The following BCAT1 variants were observed in gnomAD, a reference collection of about 807,000 sequenced individuals.
BCAT1 encodes branched-chain-amino-acid aminotransferase, cytosolic.
Under a neutral mutation model 52.4 loss-of-function variants are expected in BCAT1, and 48 were observed. The ratio of observed to expected loss-of-function variants is 0.92; its 90% confidence interval spans 0.73 to 1.16. BCAT1 has a LOEUF of 1.16. Among genes scored for constraint, BCAT1 ranks in the 50% most tolerant of loss-of-function variants. The pLI is 0.00. For missense variants in BCAT1, 451 were observed against 457.1 expected (o/e 0.99, Z 0.12); for synonymous variants, 167 against 161.3 (o/e 1.04, Z -0.27).
intron 3 of BCAT1, among the ~76,000 whole-genome samples, chr12:24,890,557 A>C (rs931936882): frequency 1.3e-5 from 2 of 152,172 alleles, no homozygotes; most frequent in African/African-American, 4.8e-5. Context: ...TTATAAGCTA[A>C]TTATAATGCA....
rs11616041 is a variant in BCAT1 at position 24,837,142 on chromosome 12, A to G, written c.818-546T>C. 3.2e-4 allele frequency among the ~76,000 whole-genome samples: 20 copies of G among 62,672 alleles called. 2 individuals are homozygous for G. Among genetic ancestry groups the G allele is most frequent in the Non-Finnish European group, 4.4e-4 (10 of 22,624 alleles). 41.1% of individuals were successfully genotyped at this position (62,672 alleles called of 152,430 possible). On this transcript the variant is annotated intron_variant, in intron 7 of 10. Coordinates refer to ENST00000261192, the MANE Select transcript of BCAT1 (RefSeq NM_005504.7). ...GAAGGGAGGAAGGGGGGAGGGAAGG[A>G]AGGAAAGTTATCTAATCATCTTCAG...
At position 24,832,888 on chromosome 12, in the gene BCAT1, A is replaced by C. The variant is rs769789339; in HGVS notation, c.904-25T>G. ...CCTGCATGGAATATAAAAAATAACA[A>C]GTATATTTTAAAGGAAAAGGCATGC... is the stretch of plus-strand genomic sequence containing the variant. On this transcript the variant is annotated intron_variant, in intron 8 of 10. Coordinates refer to ENST00000261192, the MANE Select transcript of BCAT1 (RefSeq NM_005504.7). 6.3e-6 allele frequency: 10 copies of C among 1,583,538 alleles called. No homozygotes were observed. In the East Asian group the frequency reaches 2.0e-4, roughly 32 times the overall value.
rs940603478 is a variant in BCAT1 at position 24,818,106 on chromosome 12, C to T, written c.1120-57G>A. ...ACAGAAGCTAACAGGGCAGAAATAG[C>T]TTACAAACAAACTTAATACCGCCAA... On this transcript the variant is annotated intron_variant, in intron 10 of 10. Coordinates refer to ENST00000261192, the MANE Select transcript of BCAT1 (RefSeq NM_005504.7). The T allele has an allele frequency of 7.6e-6, 12 of 1,570,448 alleles. No individual in the cohort carries two copies. The East Asian group carries it at 2.5e-4, about 32-fold the overall frequency.
chr12:24,912,820 T>C (rs547002257), intron 1 of BCAT1, among the ~76,000 whole-genome samples: 2 of 152,334 alleles, frequency 1.3e-5, no homozygotes, highest in Admixed American at 1.3e-4. Flanking sequence ...ATCTGATATA[T>C]ACCTTGTGGC....
At chr12:24,841,751 A>C (rs76442767) in intron 7 of BCAT1, among the ~76,000 whole-genome samples, 1 of 151,998 alleles carries the variant, frequency 6.6e-6, no homozygotes, top group Non-Finnish European at 1.5e-5. Context: ...AAAAAAAAAA[A>C]TACAAAAATT....
At chr12:24,847,070 T>G (rs774202736) in intron 6 of BCAT1, among the ~76,000 whole-genome samples, 9 of 152,236 alleles carry the variant, frequency 5.9e-5, no homozygotes, top group Non-Finnish European at 1.0e-4. Context: ...CCAAGTACTA[T>G]CCTAGGCACT....
In BCAT1 at chr12:24,867,240, C is replaced by T. The variant is rs57953237; in HGVS notation, c.510+11290G>A. On this transcript the variant is annotated intron_variant, in intron 5 of 10. Transcript: ENST00000261192. The stretch of plus-strand genomic sequence containing the variant: ...CACGACACCTTTAAGAACTGTAACA[C>T]TTACCGCGAGGGTCCATGGCTTCAT... Among the ~76,000 whole-genome samples, 911 of 152,220 alleles carry T rather than the reference C, an allele frequency of 6.0e-3. 12 individuals carry two copies. The highest frequency in any genetic ancestry group is 0.021 in the African/African-American group (885 of 41,540).
rs1939893272 is a variant in BCAT1 at position 24,816,835 on chromosome 12, TA to T, written c.*1172del. On this transcript the variant is annotated 3_prime_UTR_variant, in exon 11 of 11. Transcript: ENST00000261192. Reference sequence around the variant, plus strand: ...AGATTCTCATAAGGAGCGCATAGCCTAGATCCCTTGCATGCAGAGTTCACAA... The same window carrying T: ...AGATTCTCATAAGGAGCGCATAGCCTGATCCCTTGCATGCAGAGTTCACAA... 2 of 347,382 alleles carry T rather than the reference TA, an allele frequency of 5.8e-6. No homozygotes were observed. Among genetic ancestry groups the T allele is most frequent in the East Asian group, 8.1e-5 (2 of 24,640 alleles). 21.5% of individuals were successfully genotyped at this position (347,382 alleles called of 1,614,324 possible). A position where few individuals can be genotyped will look rare whatever the true frequency, so the allele number is the denominator to read the frequency against.
intron 1 of BCAT1, chr12:24,902,189 A>T: frequency 2.1e-6 from 3 of 1,433,852 alleles, no homozygotes; most frequent in East Asian, 2.5e-5. Flanking sequence ...GCAAAGAACA[A>T]AAAAACAATT....
chr12:24,941,352 T>C (rs754957081), intron 1 of BCAT1, among the ~76,000 whole-genome samples: 3 of 152,232 alleles, frequency 2.0e-5, no homozygotes, highest in Non-Finnish European at 4.4e-5. Context: ...AGCAGCTATA[T>C]GTGTTTGGCA....
intron 1 of BCAT1, among the ~76,000 whole-genome samples, chr12:24,929,991 G>C (rs984652632): frequency 1.3e-5 from 2 of 152,204 alleles, no homozygotes; most frequent in Non-Finnish European, 2.9e-5. Flanking sequence ...TCCAGCTGCT[G>C]TTTCCAGGAC....
chr12:24,842,353 T>C lies in BCAT1; in HGVS notation c.675-129A>G, dbSNP rs148276929. The C allele has an allele frequency of 1.0e-4, 105 of 1,004,532 alleles. No individual in the cohort carries two copies. The African/African-American group carries it at 1.4e-3, about 14-fold the overall frequency. The allele number at this position is 1,004,532 out of a possible 1,614,324, so 62.2% of individuals were successfully genotyped here. On this transcript the variant is annotated intron_variant, in intron 6 of 10. Transcript: ENST00000261192. Reference sequence around the variant, plus strand: ...GTGAAGGTATTATGTTCTTAATATATATACACTCTCTAGTCAACTGCATAA... The same window carrying C: ...GTGAAGGTATTATGTTCTTAATATACATACACTCTCTAGTCAACTGCATAA...
chr12:24,822,975 A>T (rs143905920), intron 10 of BCAT1, among the ~76,000 whole-genome samples: 89 of 151,074 alleles, frequency 5.9e-4, no homozygotes, highest in African/African-American at 2.1e-3. Context: ...CTTAAACTAT[A>T]TATTTTACTT....
chr12:24,946,631 G>A (rs989232171), intron 1 of BCAT1, among the ~76,000 whole-genome samples: 1 of 152,136 alleles, frequency 6.6e-6, no homozygotes, highest in African/African-American at 2.4e-5. Context: ...GCATGCGTAC[G>A]GGGGGACGTG....
intron 5 of BCAT1, among the ~76,000 whole-genome samples, chr12:24,859,853 C>T (rs1371703714): frequency 6.6e-6 from 1 of 152,028 alleles, no homozygotes; most frequent in African/African-American, 2.4e-5. Context: ...ATTTGGCTTA[C>T]TTGGTATATT....
At chr12:24,948,897 T>G (rs1316216248) in intron 1 of BCAT1, 30 bp downstream of exon 1, 1 of 1,588,706 alleles carries the variant, frequency 6.3e-7, no homozygotes, top group Non-Finnish European at 8.6e-7. Context: ...CACATTTTTG[T>G]AAAACACGGA....
chr12:24,834,916 G>A (rs1343945944), intron 8 of BCAT1: 2 of 395,304 alleles, frequency 5.1e-6, no homozygotes, highest in African/African-American at 4.4e-5. Flanking sequence ...AAATAGTGGT[G>A]ACCCCCTACA....
At position 24,812,101 on chromosome 12, in the gene BCAT1, T is replaced by C. The variant is rs1442905691; in HGVS notation, c.*5907A>G. 1 of 152,134 alleles carries C rather than the reference T, an allele frequency of 6.6e-6. No individual in the cohort carries two copies. Among genetic ancestry groups the C allele is most frequent in the Non-Finnish European group, 1.5e-5 (1 of 67,956 alleles). The allele number at this position is 152,134 out of a possible 1,614,324, so 9.4% of individuals were successfully genotyped here. ...TATTTTTAAGACCTGACTAAAAATC[T>C]GCACTCTTCAAAAACTTATTGATGA... On this transcript the variant is annotated 3_prime_UTR_variant, in exon 11 of 11. Transcript: ENST00000261192.
intron 9 of BCAT1, among the ~76,000 whole-genome samples, chr12:24,831,959 T>G (rs771576729): frequency 5.9e-5 from 9 of 152,198 alleles, no homozygotes; most frequent in Non-Finnish European, 1.2e-4. Flanking sequence ...AAATTCCTTT[T>G]GTAAGATTTT....
Sources: allele counts gnomAD v4.1 joint callset (sites outside exome capture counted in the v4.1 genomes callset), GRCh38; gene constraint gnomAD v4.1.1; transcripts MANE v1.5; gene names NCBI Gene and HGNC (gene_info 2026-07-23, HGNC 2026-07-21).